PLXNB2: variants seen among roughly 807,000 people sequenced by gnomAD.
PLXNB2 encodes plexin-B2.
In PLXNB2, 85 loss-of-function variants were observed where a neutral mutation model predicts 202.6. The ratio of observed to expected loss-of-function variants is 0.42; its 90% CI spans 0.35 to 0.50. The LOEUF is 0.50. PLXNB2 is among the 20% of genes least tolerant of loss of function. PLXNB2 has a pLI of 0.02. For synonymous variants in PLXNB2, 1,239 were observed against 1,137.6 expected, an observed-to-expected ratio of 1.09 and a Z score of -1.79; for missense variants, 2,063 against 2,586.2, an observed-to-expected ratio of 0.80 and a Z score of 4.39.
Position 50,277,585 on chromosome 22 carries a change from A to T in PLXNB2, c.5196+6T>A. ...CCTGCCCCAGACCTGCCCCCACCCC[A>T]CTCACGCGGCTCAGCTTATGCTCCG... On this transcript the variant is annotated splice_donor_region_variant and intron_variant, in intron 33 of 36. Coordinates refer to ENST00000359337, the MANE Select transcript of PLXNB2 (RefSeq NM_012401.4). 3.2e-6 allele frequency: 5 copies of T among 1,558,756 alleles called. No individual in the cohort carries two copies. The highest frequency in any genetic ancestry group is 4.4e-6 in the Non-Finnish European group (5 of 1,148,292).
rs923963948 is a variant in PLXNB2, at chr22:50,275,138, G to A, written c.*566C>T. 3.5e-6 allele frequency: 1 copy of A among 286,174 alleles called. No homozygotes were observed. The highest frequency in any genetic ancestry group is 6.9e-6 in the Non-Finnish European group (1 of 144,918). The allele number at this position is 286,174 out of a possible 1,614,324, so 17.7% of individuals were successfully genotyped here. On this transcript the variant is annotated 3_prime_UTR_variant, in exon 37 of 37. Transcript: ENST00000359337. ...CCAGGATGTCTGGGCCCCGACGTAG[G>A]ACTTGACCTACGTCTCACTTGACCT...
Position 50,283,730 on chromosome 22 carries a change from G to C in PLXNB2, c.2442C>G (p.Pro814=). 1 of 1,613,128 alleles carries C rather than the reference G, an allele frequency of 6.2e-7. No individual in the cohort carries two copies. Among genetic ancestry groups the C allele is most frequent in the Non-Finnish European group, 8.5e-7 (1 of 1,179,942 alleles). Residue 814 remains proline, a synonymous_variant, in exon 15 of 37, where the codon CCC becomes CCG. Transcript: ENST00000359337. ...TGGTGATGCGGATGCCCCCACCCAG[G>C]GGGCCCGTCTCAGGCTGGATCTGAA... ...VITRIQPETG[P]LGGGIRITIL...
intron 2 of PLXNB2, among the ~76,000 whole-genome samples, chr22:50,293,624 G>T (rs577855654): frequency 3.3e-4 from 51 of 152,366 alleles, no homozygotes; most frequent in Admixed American, 2.5e-3. Flanking sequence ...GGAGGGGAAT[G>T]CGGGGGCAGC....
Position 50,284,940 on chromosome 22 carries a change from C to A in PLXNB2, c.2089-275G>T. ...TGAGAACATCGCCCGGCCCACCTGA[C>A]ATCGTGGCCCCCACAGCTCCCTCCT... On this transcript the variant is annotated intron_variant, in intron 11 of 36. Coordinates refer to ENST00000359337, the MANE Select transcript of PLXNB2 (RefSeq NM_012401.4). This position sits in a 1 kb window ranked among gnomAD's most constrained non-coding sequence, Gnocchi z 8.0. The A allele has an allele frequency of 1.7e-6, 1 of 574,506 alleles. No homozygotes were observed. The highest frequency in any genetic ancestry group is 1.6e-5 in the South Asian group (1 of 63,932). 35.6% of individuals were successfully genotyped at this position (574,506 alleles called of 1,614,324 possible). A position where few individuals can be genotyped will look rare whatever the true frequency, so the allele number is the denominator to read the frequency against.
At position 50,281,147 on chromosome 22, in the gene PLXNB2, C is replaced by T. The variant is rs888633390; in HGVS notation, c.3705G>A (p.Lys1235=). The T allele has an allele frequency of 1.2e-6, 2 of 1,613,322 alleles. No homozygotes were observed. Among genetic ancestry groups the T allele is most frequent in the South Asian group, 2.2e-5 (2 of 91,076 alleles). ...TCTCCTCCAGGCCCTCCAGCTGGGA[C>T]TTGATCTTCTCATACTCTCGTTCGG... ...QQAEREYEKI[K]SQLEGLEESV... The change falls in exon 23 of 37, where the codon AAG becomes AAA. Residue 1235 remains lysine, a synonymous_variant. Coordinates refer to ENST00000359337, the MANE Select transcript of PLXNB2 (RefSeq NM_012401.4).
intron 27 of PLXNB2, 70 bp from the exon 28 acceptor site, chr22:50,279,081 C>T (rs1193336141): frequency 1.8e-5 from 26 of 1,467,690 alleles, no homozygotes; most frequent in Non-Finnish European, 2.3e-5. Flanking sequence ...GGAGCCACTC[C>T]CTGCCCCGCC....
At position 50,277,717 on chromosome 22, in the gene PLXNB2, C is replaced by T. The variant is rs746366608; in HGVS notation, c.5070G>A (p.Val1690=). ...KTNSLPLRFW[V]NILKNPHFIF... ...TGAAGTGGGGGTTCTTGAGGATGTT[C>T]ACCCAGAACCGGAGCGGTAAGCTGA... Residue 1690 remains valine (V), a synonymous_variant, in exon 33 of 37, where the codon GTG becomes GTA. Coordinates refer to ENST00000359337, the MANE Select transcript of PLXNB2 (RefSeq NM_012401.4). 4.4e-6 allele frequency: 7 copies of T among 1,600,930 alleles called. No individual in the cohort carries two copies. The highest frequency in any genetic ancestry group is 1.7e-4 in the Middle Eastern group (1 of 6,014).
At chr22:50,280,264 G>C (rs1180307365) in intron 25 of PLXNB2, among the ~76,000 whole-genome samples, 193 bp from the exon 26 acceptor site, 1 of 152,234 alleles carries the variant, frequency 6.6e-6, no homozygotes, top group African/African-American at 2.4e-5. Flanking sequence ...GTTCTGCAGA[G>C]GGCTGACACT....
At chr22:50,287,828 GA>G in intron 6 of PLXNB2, 35 bp from the exon 7 acceptor site, 3 of 1,595,650 alleles carry the variant, frequency 1.9e-6, no homozygotes, top group Non-Finnish European at 2.5e-6. Context: ...GCCCAGGGTG[GA>G]GTCTTGTTCT....
intron 20 of PLXNB2, 45 bp downstream of exon 20, chr22:50,281,809 C>A: frequency 6.3e-7 from 1 of 1,588,650 alleles, no homozygotes; most frequent in Non-Finnish European, 8.6e-7. Flanking sequence ...GCTCTCAGCC[C>A]AGACCCGAGC....
chr22:50,286,530 G>A (rs569874168), intron 8 of PLXNB2, among the ~76,000 whole-genome samples: 6 of 152,308 alleles, frequency 3.9e-5, no homozygotes, highest in South Asian at 4.1e-4. Flanking sequence ...ATCTTGGTTC[G>A]GGTGTCGGGC....
intron 1 of PLXNB2, among the ~76,000 whole-genome samples, chr22:50,298,389 A>C (rs1161548137): frequency 1.3e-5 from 2 of 151,744 alleles, no homozygotes; most frequent in African/African-American, 4.8e-5. Context: ...TCTGACCAGC[A>C]GCCCCCAGGC....
intron 2 of PLXNB2, among the ~76,000 whole-genome samples, 180 bp from the exon 3 acceptor site, chr22:50,290,777 C>T (rs2066812975): frequency 6.6e-6 from 1 of 152,224 alleles, no homozygotes; most frequent in South Asian, 2.1e-4. Context: ...GAGGTCTCGC[C>T]GGAGACCACT....
chr22:50,287,616 C>G, intron 7 of PLXNB2, 51 bp downstream of exon 7: 7 of 1,493,104 alleles, frequency 4.7e-6, no homozygotes, highest in South Asian at 1.2e-5. Flanking sequence ...GGGGAGCCCC[C>G]ACCTGGCCCG....
intron 1 of PLXNB2, among the ~76,000 whole-genome samples, chr22:50,299,861 G>A (rs1321246596): frequency 6.6e-6 from 1 of 152,160 alleles, no homozygotes; most frequent in Non-Finnish European, 1.5e-5. Flanking sequence ...CACCCGGCCT[G>A]TGTGGAGCGC....
At chr22:50,296,959 G>A (rs2067322029) in intron 1 of PLXNB2, among the ~76,000 whole-genome samples, 1 of 152,196 alleles carries the variant, frequency 6.6e-6, no homozygotes, top group Non-Finnish European at 1.5e-5. Flanking sequence ...GGTTAACCCG[G>A]CCAAAGGGCT....
At chr22:50,281,283 C>T (rs1271655778) in intron 22 of PLXNB2, 77 bp downstream of exon 22, 15 of 1,573,738 alleles carry the variant, frequency 9.5e-6, no homozygotes, top group Middle Eastern at 1.7e-4. Flanking sequence ...CTGTGCAGGG[C>T]GGCGGATGAG....
rs573977985 is a variant in PLXNB2, at chr22:50,287,725, G to A, written c.1550C>T (p.Ser517Phe). 4 of 1,574,586 alleles carry A rather than the reference G, an allele frequency of 2.5e-6. No homozygotes were observed. The East Asian group carries it at 6.9e-5, about 27-fold the overall frequency. The change falls in exon 7 of 37, where the codon TCC becomes TTC. Residue 517 changes from serine to phenylalanine, a missense_variant. Ser to Phe is a radical substitution (Grantham distance 155, BLOSUM62 -2). Coordinates refer to ENST00000359337, the MANE Select transcript of PLXNB2 (RefSeq NM_012401.4). ...ASHWLWSRSKSCVAVTSAQPQ... is the reference protein window; with the variant it reads ...ASHWLWSRSKFCVAVTSAQPQ... ...CTGGGCGCTGGTGACGGCCACGCAG[G>A]ACTTGCTTCGGCTCCACAGCCAGTG...
rs1169584838 is a variant in PLXNB2 at position 50,289,435 on chromosome 22, C to G, written c.1068+82G>C. ...CCACGGCCACACTGCTCACGTGCAC[C>G]CTCCCCAGCAGGCTGGGACACGCAA... On this transcript the variant is annotated intron_variant, in intron 3 of 36. Transcript: ENST00000359337. The surrounding 1 kb of genome is among the most constrained non-coding windows in gnomAD (Gnocchi z 8.0). 1 of 1,460,470 alleles carries G rather than the reference C, an allele frequency of 6.8e-7. No individual in the cohort carries two copies. Among genetic ancestry groups the G allele is most frequent in the Non-Finnish European group, 9.1e-7 (1 of 1,097,742 alleles). 90.5% of individuals were successfully genotyped at this position (1,460,470 alleles called of 1,614,324 possible).
Sources: gnomAD v4.1 joint callset for allele counts (sites outside exome capture counted in the v4.1 genomes callset) on GRCh38, gnomAD v4.1.1 for gene constraint, Gnocchi (gnomAD v3.1) non-coding constraint, MANE v1.5 for transcripts, NCBI Gene and HGNC (gene_info 2026-07-23, HGNC 2026-07-21) for gene names.